Variants in CDKL4 observed in about 807,000 individuals in gnomAD.
CDKL4 encodes cyclin-dependent kinase-like 4.
A neutral mutation model predicts 42.0 loss-of-function variants in CDKL4; 44 were observed. The ratio of observed to expected loss-of-function variants is 1.05; its 90% confidence interval spans 0.82 to 1.35. The LOEUF is 1.35. Ranked by LOEUF, CDKL4 falls within the 40% of genes most tolerant of loss-of-function variation. The probability of loss-of-function intolerance (pLI) is 0.00; values close to 1 mark genes in which losing one functional copy is unlikely to be tolerated. For missense variants in CDKL4, 393 were observed against 369.9 expected (o/e 1.06, Z -0.51); for synonymous variants, 120 against 121.6 (o/e 0.99, Z 0.09).
In CDKL4 at chr2:39,179,323, T is replaced by G; in HGVS notation, c.793-2A>C. On this transcript the variant is annotated splice_acceptor_variant, in intron 8 of 9. Coordinates refer to ENST00000451199, the Ensembl canonical transcript of CDKL4. LOFTEE classifies it high-confidence loss of function. ...ATCTGGATTCATCTTCAGACACCCC[T>G]TTGGAGGAAGAGAATAGCAAAGAAG... is the stretch of plus-strand genomic sequence containing the variant. 5.0e-6 allele frequency: 8 copies of G among 1,587,492 alleles called. No homozygotes were observed. Among genetic ancestry groups the G allele is most frequent in the Non-Finnish European group, 6.8e-6 (8 of 1,172,276 alleles).
rs375514414 is a variant in CDKL4 at position 39,213,400 on chromosome 2, G to T, written c.363C>A (p.Asn121Lys). ...AAATACATTAGAAAATGTTACTTAC[G>T]TTATGTATATGACAGAAATTAAGAG... Residue 121 changes from asparagine to lysine, a missense_variant and splice_region_variant, in exon 4 of 10, where the codon AAC (asparagine) becomes AAA (lysine). Physicochemically the swap from Asn to Lys is moderately conservative, Grantham distance 94 (BLOSUM62 0). Coordinates refer to ENST00000451199, the Ensembl canonical transcript of CDKL4. 5.8e-6 allele frequency: 9 copies of T among 1,556,902 alleles called. No individual in the cohort carries two copies. In the African/African-American group the frequency reaches 8.1e-5, roughly 14 times the overall value.
At chr2:39,244,007 G>A (rs1366485622), upstream of CDKL4, among the ~76,000 whole-genome samples, 3 of 152,242 alleles carry the variant, frequency 2.0e-5, no homozygotes, top group Admixed American at 2.0e-4. Context: ...AGCGTCTCCC[G>A]GGCAACCGGA....
chr2:39,220,760 T>A (rs1172902140), intron 3 of CDKL4, among the ~76,000 whole-genome samples: 1 of 151,506 alleles, frequency 6.6e-6, no homozygotes, highest in Non-Finnish European at 1.5e-5. Flanking sequence ...AATTTTTTTG[T>A]ATTTTTAGTA....
intron 4 of CDKL4, among the ~76,000 whole-genome samples, chr2:39,205,747 G>A (rs1336402025): frequency 4.5e-5 from 5 of 111,382 alleles, no homozygotes; most frequent in Admixed American, 3.8e-4. Flanking sequence ...ACGACGGAGC[G>A]AGACTCCGTC....
chr2:39,240,420 C>CAA (rs1186226288), intron 1 of CDKL4, among the ~76,000 whole-genome samples: 53 of 84,146 alleles, frequency 6.3e-4, no homozygotes, highest in African/African-American at 1.9e-3. Context: ...GACTTCGTCT[C>CAA]AAAAAAAAAA....
intron 3 of CDKL4, among the ~76,000 whole-genome samples, chr2:39,220,250 A>AG (rs35915286): frequency 1.1e-4 from 16 of 152,122 alleles, no homozygotes; most frequent in Non-Finnish European, 4.4e-5. Context: ...TTGTACAATA[A>AG]GGCTGGTTCT....
At chr2:39,210,302 C>A (rs1350218771) in intron 4 of CDKL4, among the ~76,000 whole-genome samples, 1 of 152,084 alleles carries the variant, frequency 6.6e-6, no homozygotes, top group East Asian at 1.9e-4. Context: ...GAAAAATTAC[C>A]TATTTTTAAT....
At chr2:39,220,247 A>G (rs1031848245) in intron 3 of CDKL4, among the ~76,000 whole-genome samples, 1 of 152,160 alleles carries the variant, frequency 6.6e-6, no homozygotes, top group Admixed American at 6.5e-5. Context: ...AACTTGTACA[A>G]TAAGGCTGGT....
At chr2:39,179,287 G>C in exon 9 of CDKL4, 1 of 1,608,714 alleles carries the variant, frequency 6.2e-7, no homozygotes, top group African/African-American at 1.3e-5. Flanking sequence ...TTGGGAACAG[G>C]TTAATCTGTC....
intron 2 of CDKL4, among the ~76,000 whole-genome samples, chr2:39,228,598 T>C (rs1678901268): frequency 1.3e-5 from 2 of 152,292 alleles, no homozygotes; most frequent in South Asian, 4.1e-4. Flanking sequence ...ACTTCCTGCG[T>C]ACTCAGAAAT....
In CDKL4 at chr2:39,185,406, G is replaced by C. The variant is rs10547216; in HGVS notation, c.736-759C>G. Among the ~76,000 whole-genome samples, 6 of 14,484 alleles carry C rather than the reference G, an allele frequency of 4.1e-4. 1 individual carries two copies. 9.5% of individuals were successfully genotyped at this position (14,484 alleles called of 152,430 possible). On this transcript the variant is annotated intron_variant, in intron 7 of 9. Coordinates refer to ENST00000451199, the Ensembl canonical transcript of CDKL4. ...TATATACATGTATATATACATATGT[G>C]TATATATACATATATATATACATAT... is the stretch of plus-strand genomic sequence containing the variant.
At chr2:39,237,688 C>T (rs1273425328) in intron 1 of CDKL4, among the ~76,000 whole-genome samples, 1 of 152,014 alleles carries the variant, frequency 6.6e-6, no homozygotes, top group Non-Finnish European at 1.5e-5. Context: ...AGAACCCCAT[C>T]TCTATAAAAT....
chr2:39,217,938 G>A (rs1440516706), intron 3 of CDKL4, among the ~76,000 whole-genome samples: 1 of 151,902 alleles, frequency 6.6e-6, no homozygotes, highest in Non-Finnish European at 1.5e-5. Context: ...TCTTCATGTT[G>A]GTCAGGCTGG....
intron 2 of CDKL4, among the ~76,000 whole-genome samples, chr2:39,227,766 T>A (rs947737174): frequency 6.6e-6 from 1 of 152,168 alleles, no homozygotes. Flanking sequence ...ATACTACAGT[T>A]TGATGCAATG....
intron 3 of CDKL4, among the ~76,000 whole-genome samples, chr2:39,217,071 T>C (rs1677970213): frequency 1.3e-5 from 2 of 151,484 alleles, no homozygotes; most frequent in Admixed American, 6.6e-5. Flanking sequence ...TCAAAGAGAG[T>C]ACACATCGAC....
At chr2:39,182,135 C>T (rs1675476298) in intron 8 of CDKL4, among the ~76,000 whole-genome samples, 1 of 152,106 alleles carries the variant, frequency 6.6e-6, no homozygotes, top group African/African-American at 2.4e-5. Context: ...GCAAATGCCA[C>T]CATGCCTGAA....
At chr2:39,218,636 AC>A (rs1425392558) in intron 3 of CDKL4, among the ~76,000 whole-genome samples, 45 of 152,170 alleles carry the variant, frequency 3.0e-4, no homozygotes, top group African/African-American at 1.1e-3. Flanking sequence ...GCATCATCAA[AC>A]CCGTTGAAGG....
the CDKL4 span, among the ~76,000 whole-genome samples, chr2:39,168,509 G>A: frequency 1.3e-5 from 2 of 152,102 alleles, no homozygotes; most frequent in Non-Finnish European, 2.9e-5. Context: ...GCTGAGGCGG[G>A]TGGATCACCC....
chr2:39,195,435 C>T (rs1676448808), intron 5 of CDKL4, among the ~76,000 whole-genome samples: 1 of 152,076 alleles, frequency 6.6e-6, no homozygotes, highest in African/African-American at 2.4e-5. Flanking sequence ...TGAATGAGGG[C>T]TCTAATTTCT....
Sources: allele counts gnomAD v4.1 joint callset (sites outside exome capture counted in the v4.1 genomes callset), GRCh38; gene constraint gnomAD v4.1.1; transcripts MANE v1.5; gene names NCBI Gene and HGNC (gene_info 2026-07-23, HGNC 2026-07-21).